The following SFMBT2 variants were observed in gnomAD, a reference collection of about 807,000 sequenced individuals.
SFMBT2 encodes scm-like with four MBT domains protein 2.
SFMBT2 carries 38 observed loss-of-function variants against 110.1 expected under a neutral mutation model. The ratio of observed to expected loss-of-function variants is 0.35; its 90% CI spans 0.27 to 0.45. The LOEUF (loss-of-function observed/expected upper bound fraction) is 0.45. Among genes scored for constraint, SFMBT2 ranks in the 20% least tolerant of loss-of-function variants. SFMBT2 has a pLI of 1.00. For missense variants in SFMBT2, 1,011 were observed against 1,094.9 expected, an observed-to-expected ratio of 0.92 and a Z score of 1.08; for synonymous variants, 425 against 425.4, an observed-to-expected ratio of 1.00 and a Z score of 0.01.
intron 4 of SFMBT2, among the ~76,000 whole-genome samples, chr10:7,334,613 A>C (rs1843661413): frequency 6.6e-6 from 1 of 152,182 alleles, no homozygotes; most frequent in Non-Finnish European, 1.5e-5. Flanking sequence ...GGGACCTGTC[A>C]CCGATACAGA....
intron 4 of SFMBT2, among the ~76,000 whole-genome samples, chr10:7,316,238 G>T (rs534206892): frequency 1.3e-5 from 2 of 152,306 alleles, no homozygotes; most frequent in South Asian, 2.1e-4. Context: ...AGGGCAGTTA[G>T]AAAGGCTCAG....
At chr10:7,386,768 G>A (rs775422520) in intron 1 of SFMBT2, among the ~76,000 whole-genome samples, 4 of 152,150 alleles carry the variant, frequency 2.6e-5, no homozygotes, top group Non-Finnish European at 4.4e-5. Context: ...ATGCATTTAC[G>A]ATCATTTTAT....
At chr10:7,409,090 CCCA>C (rs1167553339) in intron 1 of SFMBT2, among the ~76,000 whole-genome samples, 44 of 146,952 alleles carry the variant, frequency 3.0e-4, no homozygotes, top group African/African-American at 1.1e-3. Context: ...TCTGCCCCAC[CCCA>C]CCACCACCAC....
At chr10:7,230,001 G>A (rs1228724426) in intron 9 of SFMBT2, among the ~76,000 whole-genome samples, 1 of 140,714 alleles carries the variant, frequency 7.1e-6, no homozygotes, top group Non-Finnish European at 1.5e-5. Context: ...ACAGACATGA[G>A]CCACCCCGCC....
chr10:7,203,127 A>G (rs893620642), intron 12 of SFMBT2: 44 of 983,256 alleles, frequency 4.5e-5, no homozygotes, highest in Admixed American at 6.1e-5. Context: ...GCATCTACTA[A>G]CTTTGGCTCA....
At chr10:7,347,189 A>G (rs1044526686) in intron 4 of SFMBT2, among the ~76,000 whole-genome samples, 17 of 152,138 alleles carry the variant, frequency 1.1e-4, no homozygotes, top group African/African-American at 3.9e-4. Context: ...GTAACTAGGT[A>G]GGGCCTGGTG....
At chr10:7,287,686 T>C (rs948159499) in intron 4 of SFMBT2, among the ~76,000 whole-genome samples, 2 of 152,146 alleles carry the variant, frequency 1.3e-5, no homozygotes, top group Non-Finnish European at 2.9e-5. Context: ...CCATTTAAGG[T>C]CCAAGACCCA....
chr10:7,314,850 G>C (rs1481891168), intron 4 of SFMBT2, among the ~76,000 whole-genome samples: 1 of 151,830 alleles, frequency 6.6e-6, no homozygotes, highest in African/African-American at 2.4e-5. Flanking sequence ...AGAGGTTGCA[G>C]TGAGCCGAGA....
chr10:7,401,934 G>T (rs921201556), intron 1 of SFMBT2, among the ~76,000 whole-genome samples: 1 of 152,056 alleles, frequency 6.6e-6, no homozygotes, highest in Non-Finnish European at 1.5e-5. Context: ...TATTTAGAAC[G>T]GTCTCCTACG....
chr10:7,182,838 C>T (rs1838284397), intron 16 of SFMBT2, among the ~76,000 whole-genome samples: 1 of 150,908 alleles, frequency 6.6e-6, no homozygotes, highest in Admixed American at 6.6e-5. Context: ...GCACATTGTG[C>T]ACATGTACCC....
chr10:7,240,866 G>A (rs756794496), intron 9 of SFMBT2, among the ~76,000 whole-genome samples: 12 of 152,040 alleles, frequency 7.9e-5, no homozygotes, highest in Non-Finnish European at 1.0e-4. Flanking sequence ...ACTGGTTTAC[G>A]AGTAAAAATT....
At position 7,163,939 on chromosome 10, in the gene SFMBT2, A is replaced by C; in HGVS notation, c.2545-29T>G. The C allele has an allele frequency of 6.2e-7, 1 of 1,606,740 alleles. No homozygotes were observed. The highest frequency in any genetic ancestry group is 8.5e-7 in the Non-Finnish European group (1 of 1,176,160). Reference sequence around the variant, plus strand: ...CAGGAAAAGAAAGGCAGGTTAGAGAAGGGGCAGTGTGCACTGGGGTACACA... The same window carrying C: ...CAGGAAAAGAAAGGCAGGTTAGAGACGGGGCAGTGTGCACTGGGGTACACA... On this transcript the variant is annotated intron_variant, in intron 20 of 20. Transcript: ENST00000397167. The surrounding 1 kb of genome is among the most constrained non-coding windows in gnomAD (Gnocchi z 4.8).
chr10:7,186,661 A>G (rs547314584), intron 16 of SFMBT2, among the ~76,000 whole-genome samples: 116 of 152,188 alleles, frequency 7.6e-4, no homozygotes, highest in African/African-American at 2.7e-3. Flanking sequence ...TAATTTATTC[A>G]TGACAGAAAA....
At chr10:7,329,413 G>A (rs912582037) in intron 4 of SFMBT2, 9 of 981,638 alleles carry the variant, frequency 9.2e-6, no homozygotes, top group Admixed American at 1.2e-4. Flanking sequence ...AGCACAGCAC[G>A]GGTGCTAAAG....
At chr10:7,311,850 G>A (rs1842866203) in intron 4 of SFMBT2, among the ~76,000 whole-genome samples, 1 of 152,134 alleles carries the variant, frequency 6.6e-6, no homozygotes, top group South Asian at 2.1e-4. Flanking sequence ...GAAAGGCCCG[G>A]GCAACAATTC....
chr10:7,191,135 T>G (rs910860708), intron 15 of SFMBT2, among the ~76,000 whole-genome samples: 4 of 152,208 alleles, frequency 2.6e-5, no homozygotes, highest in African/African-American at 7.2e-5. Context: ...AGGTATGTCT[T>G]GATCACCAAT....
chr10:7,396,879 A>G (rs894643361), intron 1 of SFMBT2, among the ~76,000 whole-genome samples: 6 of 130,102 alleles, frequency 4.6e-5, no homozygotes, highest in Non-Finnish European at 9.6e-5. Context: ...GGGGAACATC[A>G]CACACTGGGG....
intron 4 of SFMBT2, among the ~76,000 whole-genome samples, chr10:7,315,112 A>AAAGAAAGAAAG (rs1564435697): frequency 1.6e-4 from 18 of 109,470 alleles, no homozygotes; most frequent in East Asian, 2.5e-4. Context: ...AAGAAAGAAA[A>AAAGAAAGAAAG]AGCAAGCAAG....
At chr10:7,279,660 C>T (rs1251646306) in intron 6 of SFMBT2, among the ~76,000 whole-genome samples, 1 of 152,114 alleles carries the variant, frequency 6.6e-6, no homozygotes, top group Non-Finnish European at 1.5e-5. Context: ...CTGGGAAGGT[C>T]GTGAGCAATT....
Sources: gnomAD v4.1 joint callset for allele counts (sites outside exome capture counted in the v4.1 genomes callset) on GRCh38, gnomAD v4.1.1 for gene constraint, Gnocchi (gnomAD v3.1) non-coding constraint, MANE v1.5 for transcripts, NCBI Gene and HGNC (gene_info 2026-07-23, HGNC 2026-07-21) for gene names.